Variants in PCDHA6 observed in about 807,000 individuals in gnomAD.
PCDHA6 encodes the protein protocadherin alpha 6.
PCDHA6 carries 55 observed loss-of-function variants against 60.3 expected under a neutral mutation model. The observed-to-expected ratio is 0.91, with a 90% CI of 0.73 to 1.14. PCDHA6 has a LOEUF of 1.14. PCDHA6 is among the 50% of genes most tolerant of loss of function. PCDHA6 has a pLI of 0.00. For missense variants in PCDHA6, 1,327 were observed against 1,256.5 expected (o/e 1.06, Z -0.85); for synonymous variants, 652 against 557.9 (o/e 1.17, Z -2.38).
In PCDHA6 at chr5:141,008,942, A is replaced by G. The variant is rs544111760; in HGVS notation, c.2543-685A>G. Among the ~76,000 whole-genome samples the G allele has an allele frequency of 1.5e-4, 23 of 152,326 alleles. No homozygotes were observed. In the South Asian group the frequency reaches 4.8e-3, roughly 32 times the overall value. On this transcript the variant is annotated intron_variant, in intron 3 of 3. Transcript: ENST00000529310. ...ATTCAGCTAATTTTTCTTGTTTTGG[A>G]CAAAATAGACATCCTAATACATTTA...
At chr5:140,881,046 T>C (rs1554171694) in intron 1 of PCDHA6, among the ~76,000 whole-genome samples, 1 of 152,238 alleles carries the variant, frequency 6.6e-6, no homozygotes, top group African/African-American at 2.4e-5. Context: ...TATAGAGTTG[T>C]GCACAGAACA....
rs144940545 is a variant in PCDHA6, at chr5:140,840,415, A to G, written c.2394+9930A>G. Among the ~76,000 whole-genome samples the G allele has an allele frequency of 1.2e-3, 182 of 152,100 alleles. 3 individuals are homozygous for G. In the East Asian group the frequency reaches 0.029, roughly 25 times the overall value. On this transcript the variant is annotated intron_variant, in intron 1 of 3. Coordinates refer to ENST00000529310, the MANE Select transcript of PCDHA6 (RefSeq NM_018909.4). ...ATATGGAGTTAAGAATACTTCAAAT[A>G]ATAGGCTAGTTTAAAGCCGTGGAAA...
In PCDHA6 at chr5:140,993,459, T is replaced by TTC. The variant is rs202191067; in HGVS notation, c.2542+10899_2542+10900dup. 1.1e-4 allele frequency among the ~76,000 whole-genome samples: 9 copies of TTC among 83,038 alleles called. No individual in the cohort carries two copies. The East Asian group carries it at 1.5e-3, about 13-fold the overall frequency. 54.5% of individuals were successfully genotyped at this position (83,038 alleles called of 152,430 possible). Reference sequence around the variant, plus strand: ...ATTCATTCCTGTTCTCCTTCTTTCTTTCTCACACACACACACACACACACA... The same window carrying TTC: ...ATTCATTCCTGTTCTCCTTCTTTCTTTCTCTCACACACACACACACACACACA... On this transcript the variant is annotated intron_variant, in intron 3 of 3. Coordinates refer to ENST00000529310, the MANE Select transcript of PCDHA6 (RefSeq NM_018909.4).
At chr5:140,849,060 G>GT (rs1320977554) in intron 1 of PCDHA6, 2 of 1,548,996 alleles carry the variant, frequency 1.3e-6, no homozygotes, top group Non-Finnish European at 1.8e-6. Context: ...CAACCAGCAG[G>GT]TAAAACCTCT....
intron 1 of PCDHA6, chr5:140,848,888 A>T: frequency 6.4e-7 from 1 of 1,564,652 alleles, no homozygotes; most frequent in Non-Finnish European, 8.7e-7. Flanking sequence ...ACAACCCTCC[A>T]GTGTTCCCAG....
In PCDHA6 at chr5:140,842,523, T is replaced by A. The variant is rs201459051; in HGVS notation, c.2394+12038T>A. The A allele has an allele frequency of 5.0e-5, 81 of 1,613,306 alleles. 4 individuals are homozygous for A. Among genetic ancestry groups the A allele is most frequent in the Non-Finnish European group, 3.3e-5 (39 of 1,179,452 alleles). ...GTCCCCTTCAAGCTGGTGTCCACCT[T>A]CAAGAATTACTACTCGTTGGTGCTG... On this transcript the variant is annotated intron_variant, in intron 1 of 3. Coordinates refer to ENST00000529310, the MANE Select transcript of PCDHA6 (RefSeq NM_018909.4).
At chr5:140,888,752 C>A (rs782384703) in intron 1 of PCDHA6, among the ~76,000 whole-genome samples, 44 of 151,842 alleles carry the variant, frequency 2.9e-4, no homozygotes, top group Non-Finnish European at 5.7e-4. Context: ...TTATTCTACC[C>A]ACTTTTTTTT....
chr5:140,967,279 T>C, intron 1 of PCDHA6: 1 of 1,613,002 alleles, frequency 6.2e-7, no homozygotes, highest in South Asian at 1.1e-5. Context: ...ACATAGAGAG[T>C]GCGCAGGACC....
At chr5:140,958,264 A>G (rs2153717297) in intron 1 of PCDHA6, among the ~76,000 whole-genome samples, 1 of 152,230 alleles carries the variant, frequency 6.6e-6, no homozygotes, top group Admixed American at 6.5e-5. Flanking sequence ...TTAATTTGGT[A>G]CAAGAAGTAT....
In PCDHA6 at chr5:140,857,943, C is replaced by T. The variant is rs782648009; in HGVS notation, c.2394+27458C>T. 3 of 1,597,460 alleles carry T rather than the reference C, an allele frequency of 1.9e-6. 1 individual carries two copies. The highest frequency in any genetic ancestry group is 2.6e-6 in the Non-Finnish European group (3 of 1,167,412). Reference sequence around the variant, plus strand: ...GGGCTGTACACGGGCGAGATCAGTACGACGCGCGCTCTGGATGAGACTGAC... The same window carrying T: ...GGGCTGTACACGGGCGAGATCAGTATGACGCGCGCTCTGGATGAGACTGAC... On this transcript the variant is annotated intron_variant, in intron 1 of 3. Coordinates refer to ENST00000529310, the MANE Select transcript of PCDHA6 (RefSeq NM_018909.4).
chr5:140,875,891 T>C (rs781902632), intron 1 of PCDHA6: 3 of 1,614,008 alleles, frequency 1.9e-6, no homozygotes, highest in Non-Finnish European at 2.5e-6. Context: ...GAACAAAAGG[T>C]ACCTGTTTCT....
chr5:140,973,078 C>T (rs111586419), intron 1 of PCDHA6, among the ~76,000 whole-genome samples: 5,544 of 152,208 alleles, frequency 0.036, 303 homozygotes, highest in African/African-American at 0.12. Context: ...GTGGGCCCAG[C>T]TGGCACAACA....
At chr5:140,993,078 A>G (rs1373767899) in intron 3 of PCDHA6, among the ~76,000 whole-genome samples, 2 of 152,212 alleles carry the variant, frequency 1.3e-5, no homozygotes, top group Non-Finnish European at 2.9e-5. Flanking sequence ...GCAGTCTGCA[A>G]TCAGCAGGGC....
chr5:140,863,054 C>G (rs782230068), intron 1 of PCDHA6: 4 of 563,138 alleles, frequency 7.1e-6, no homozygotes, highest in Non-Finnish European at 1.4e-5. Flanking sequence ...TGGCAGCACC[C>G]GTTCCACGTG....
At chr5:140,899,032 A>G (rs1377878756) in intron 1 of PCDHA6, among the ~76,000 whole-genome samples, 2 of 151,890 alleles carry the variant, frequency 1.3e-5, no homozygotes, top group African/African-American at 4.8e-5. Context: ...ATTTTTGTAC[A>G]TTGATTTTGT....
At chr5:140,932,946 G>A (rs1554209125) in intron 1 of PCDHA6, among the ~76,000 whole-genome samples, 1 of 151,982 alleles carries the variant, frequency 6.6e-6, no homozygotes, top group East Asian at 1.9e-4. Flanking sequence ...TGGAATGAAG[G>A]TGGACTAAAT....
chr5:140,882,480 A>T, intron 1 of PCDHA6: 1 of 1,614,020 alleles, frequency 6.2e-7, no homozygotes, highest in Non-Finnish European at 8.5e-7. Flanking sequence ...TCCAAAAGAC[A>T]CGGGGACCTT....
At chr5:140,873,718 T>C (rs1259445115) in intron 1 of PCDHA6, among the ~76,000 whole-genome samples, 1 of 152,216 alleles carries the variant, frequency 6.6e-6, no homozygotes, top group East Asian at 1.9e-4. Context: ...TGGTGTGCAG[T>C]GGCGCAATCT....
intron 1 of PCDHA6, among the ~76,000 whole-genome samples, chr5:140,956,457 G>T (rs1197742299): frequency 2.0e-5 from 3 of 152,184 alleles, no homozygotes; most frequent in African/African-American, 7.2e-5. Flanking sequence ...TACATTTATT[G>T]ATTTGCATAT....
Sources: allele counts gnomAD v4.1 joint callset (sites outside exome capture counted in the v4.1 genomes callset), GRCh38; gene constraint gnomAD v4.1.1; transcripts MANE v1.5; gene names NCBI Gene and HGNC (gene_info 2026-07-23, HGNC 2026-07-21).